The following EIF4E1B variants were observed in gnomAD, a reference collection of about 807,000 sequenced individuals.
EIF4E1B encodes the protein eukaryotic translation initiation factor 4E family member 1B.
A neutral mutation model predicts 31.3 loss-of-function variants in EIF4E1B; 22 were observed. That is an observed-to-expected ratio of 0.70 (90% confidence interval 0.50 to 1.00). The LOEUF is 1.00. EIF4E1B is among the 50% of genes least tolerant of loss of function. The pLI is 0.00. For synonymous variants in EIF4E1B, 126 were observed against 120.2 expected, an observed-to-expected ratio of 1.05 and a Z score of -0.31; for missense variants, 290 against 311.6, an observed-to-expected ratio of 0.93 and a Z score of 0.52.
chr5:176,639,368 C>G (rs563931098), intron 1 of EIF4E1B, among the ~76,000 whole-genome samples: 2 of 152,306 alleles, frequency 1.3e-5, no homozygotes, highest in South Asian at 4.1e-4. Flanking sequence ...AGATGTCCCC[C>G]ATAGACAGAC....
intron 1 of EIF4E1B, among the ~76,000 whole-genome samples, chr5:176,640,961 C>A (rs556683865): frequency 6.6e-6 from 1 of 152,288 alleles, no homozygotes; most frequent in South Asian, 2.1e-4. Context: ...CTCTCAGTGA[C>A]CTTCTTCTCA....
chr5:176,643,303 C>T (rs991569050), intron 4 of EIF4E1B, 37 bp downstream of exon 4: 1 of 1,597,360 alleles, frequency 6.3e-7, no homozygotes, highest in Non-Finnish European at 8.5e-7. Flanking sequence ...CAGCCCCTTG[C>T]TTTCAGGCCA....
At chr5:176,639,990 G>C (rs1379142812) in intron 1 of EIF4E1B, among the ~76,000 whole-genome samples, 1 of 152,108 alleles carries the variant, frequency 6.6e-6, no homozygotes, top group Non-Finnish European at 1.5e-5. Flanking sequence ...TGCTCCCTCT[G>C]TCCAAATTTC....
chr5:176,633,214 TTTG>T (rs540071102), intron 1 of EIF4E1B, among the ~76,000 whole-genome samples: 9 of 82,482 alleles, frequency 1.1e-4, no homozygotes, highest in African/African-American at 2.2e-4. Context: ...CAGTGTTTTT[TTTG>T]TTTGTTTGTT....
At chr5:176,633,432 T>G (rs986306118) in intron 1 of EIF4E1B, among the ~76,000 whole-genome samples, 2 of 152,174 alleles carry the variant, frequency 1.3e-5, no homozygotes, top group African/African-American at 4.8e-5. Flanking sequence ...GTTTGTGATT[T>G]ACTTATTTAT....
rs1236742238 is a variant in EIF4E1B at position 176,646,068 on chromosome 5, CA to C, written c.*89del. The stretch of plus-strand genomic sequence containing the variant: ...GGATGGGGCGGGACTGGGGATCAGA[CA>C]GCCTAGTTCTTACCTGTCCTCAAGT... On this transcript the variant is annotated 3_prime_UTR_variant, in exon 9 of 9. Coordinates refer to ENST00000318682, the MANE Select transcript of EIF4E1B (RefSeq NM_001099408.2). The C allele has an allele frequency of 1.1e-5, 12 of 1,136,762 alleles. No homozygotes were observed. In the East Asian group the frequency reaches 3.1e-4, roughly 29 times the overall value. The allele number at this position is 1,136,762 out of a possible 1,614,324, so 70.4% of individuals were successfully genotyped here. A position where few individuals can be genotyped will look rare whatever the true frequency, so the allele number is the denominator to read the frequency against.
At chr5:176,635,660 G>GA (rs1278585114) in intron 1 of EIF4E1B, among the ~76,000 whole-genome samples, 2 of 152,210 alleles carry the variant, frequency 1.3e-5, no homozygotes, top group African/African-American at 4.8e-5. Flanking sequence ...CAGGAACCCA[G>GA]ACTCCTACCT....
In EIF4E1B at chr5:176,638,937, A is replaced by G. The variant is rs1048858919; in HGVS notation, c.-201-3106A>G. Among the ~76,000 whole-genome samples the G allele has an allele frequency of 6.6e-6, 1 of 151,998 alleles. No individual in the cohort carries two copies. Among genetic ancestry groups the G allele is most frequent in the Non-Finnish European group, 1.5e-5 (1 of 67,986 alleles). On this transcript the variant is annotated intron_variant, in intron 1 of 8. Coordinates refer to ENST00000318682, the MANE Select transcript of EIF4E1B (RefSeq NM_001099408.2). The surrounding 1 kb of genome is among the most constrained non-coding windows in gnomAD (Gnocchi z 4.3). ...TTACAGGTGCCTGCCACCATGCCCA[A>G]CTAGTTTTGTTGCTGTTGTTGTTTG...
At chr5:176,632,176 T>G (rs1453865924) in intron 1 of EIF4E1B, among the ~76,000 whole-genome samples, 1 of 152,222 alleles carries the variant, frequency 6.6e-6, no homozygotes, top group African/African-American at 2.4e-5. Flanking sequence ...ATATACATAC[T>G]TATCACATAC....
At chr5:176,635,579 G>A (rs1425094755) in intron 1 of EIF4E1B, among the ~76,000 whole-genome samples, 1 of 152,178 alleles carries the variant, frequency 6.6e-6, no homozygotes, top group Non-Finnish European at 1.5e-5. Flanking sequence ...GGCAAAGCAG[G>A]CATTTATTCT....
At chr5:176,639,386 G>A (rs1259408004) in intron 1 of EIF4E1B, among the ~76,000 whole-genome samples, 1 of 152,164 alleles carries the variant, frequency 6.6e-6, no homozygotes, top group African/African-American at 2.4e-5. Flanking sequence ...GACTTGGAAG[G>A]GCCTCAGCGA....
At chr5:176,637,674 G>T (rs1050466618) in intron 1 of EIF4E1B, among the ~76,000 whole-genome samples, 1 of 152,142 alleles carries the variant, frequency 6.6e-6, no homozygotes, top group Admixed American at 6.5e-5. Context: ...TAAGGCAGGA[G>T]GTGGCTGGCA....
Position 176,645,852 on chromosome 5 carries a change from C to G in EIF4E1B, c.615-14C>G, listed in dbSNP as rs1760692796. 6.4e-7 allele frequency: 1 copy of G among 1,561,794 alleles called. No individual in the cohort carries two copies. Among genetic ancestry groups the G allele is most frequent in the African/African-American group, 1.4e-5 (1 of 73,170 alleles). ...ACCTGTGTCTCTTTTCCTCTGTGTC[C>G]CCCGCACCTGCAGGCGTGTATACAA... On this transcript the variant is annotated splice_polypyrimidine_tract_variant and intron_variant, in intron 8 of 8. Coordinates refer to ENST00000318682, the MANE Select transcript of EIF4E1B (RefSeq NM_001099408.2). This position sits in a 1 kb window ranked among gnomAD's most constrained non-coding sequence, Gnocchi z 5.4.
chr5:176,633,962 A>G (rs897904027), intron 1 of EIF4E1B, among the ~76,000 whole-genome samples: 3 of 152,188 alleles, frequency 2.0e-5, no homozygotes, highest in African/African-American at 7.2e-5. Flanking sequence ...CGCCTGAACT[A>G]CAGAAGCCCG....
In EIF4E1B at chr5:176,645,069, G is replaced by T; in HGVS notation, c.361-61G>T. 6.9e-7 allele frequency: 1 copy of T among 1,441,448 alleles called. No individual in the cohort carries two copies. Among genetic ancestry groups the T allele is most frequent in the South Asian group, 1.3e-5 (1 of 78,316 alleles). The allele number at this position is 1,441,448 out of a possible 1,614,324, so 89.3% of individuals were successfully genotyped here. On this transcript the variant is annotated intron_variant, in intron 6 of 8. Transcript: ENST00000318682. This position sits in a 1 kb window ranked among gnomAD's most constrained non-coding sequence, Gnocchi z 5.4. ...AGAGAGCGGATAAGGCCGGGATGGT[G>T]GGTGGGTCCCCATTTCCCTTTGAAC... is the stretch of plus-strand genomic sequence containing the variant.
rs1274349184 is a variant in EIF4E1B, at chr5:176,646,075, G to GT, written c.*97dup. 8 of 1,040,542 alleles carry GT rather than the reference G, an allele frequency of 7.7e-6. No individual in the cohort carries two copies. The highest frequency in any genetic ancestry group is 1.1e-5 in the Non-Finnish European group (8 of 700,686). 64.5% of individuals were successfully genotyped at this position (1,040,542 alleles called of 1,614,324 possible). ...GCGGGACTGGGGATCAGACAGCCTA[G>GT]TTCTTACCTGTCCTCAAGTGAACAG... On this transcript the variant is annotated 3_prime_UTR_variant, in exon 9 of 9. Transcript: ENST00000318682.
intron 1 of EIF4E1B, among the ~76,000 whole-genome samples, chr5:176,640,426 C>T (rs1760554888): frequency 6.6e-6 from 1 of 152,250 alleles, no homozygotes; most frequent in South Asian, 2.1e-4. Flanking sequence ...TTTTAAGCCA[C>T]TGAGTTTGGG....
chr5:176,632,338 C>A (rs995796013), intron 1 of EIF4E1B, among the ~76,000 whole-genome samples: 13 of 152,216 alleles, frequency 8.5e-5, no homozygotes, highest in African/African-American at 2.9e-4. Flanking sequence ...TCACTGCAAC[C>A]TCCACCTCCA....
intron 3 of EIF4E1B, 125 bp from the exon 4 acceptor site, chr5:176,642,957 C>A (rs963795476): frequency 6.9e-7 from 1 of 1,454,220 alleles, no homozygotes; most frequent in African/African-American, 1.5e-5. Flanking sequence ...TTGAGCTGGG[C>A]ATGGCTACTG....
Sources: gnomAD v4.1 joint callset for allele counts (sites outside exome capture counted in the v4.1 genomes callset) on GRCh38, gnomAD v4.1.1 for gene constraint, Gnocchi (gnomAD v3.1) non-coding constraint, MANE v1.5 for transcripts, NCBI Gene and HGNC (gene_info 2026-07-23, HGNC 2026-07-21) for gene names.